Variants in MSRA observed in about 807,000 individuals in gnomAD.
MSRA encodes the protein mitochondrial peptide methionine sulfoxide reductase.
In MSRA, 54 loss-of-function variants were observed where a neutral mutation model predicts 31.3. The ratio of observed to expected loss-of-function variants is 1.73; its 90% confidence interval spans 1.39 to 2.17. MSRA has a LOEUF of 2.17. MSRA is among the 30% of genes most tolerant of loss of function. MSRA has a pLI of 0.00. For missense variants in MSRA, 507 were observed against 300.9 expected, an observed-to-expected ratio of 1.69 and a Z score of -5.07; for synonymous variants, 169 against 116.5, an observed-to-expected ratio of 1.45 and a Z score of -2.90.
chr8:10,155,587 G>A (rs2080345676), intron 1 of MSRA, among the ~76,000 whole-genome samples: 1 of 152,178 alleles, frequency 6.6e-6, no homozygotes, highest in Non-Finnish European at 1.5e-5. Flanking sequence ...AAGAAACCAT[G>A]AGAGAAATGG....
At position 10,397,049 on chromosome 8, in the gene MSRA, C is replaced by T. The variant is rs560493004; in HGVS notation, c.544-31099C>T. The stretch of plus-strand genomic sequence containing the variant: ...TTCTCCATCTCTAGACAGCTTAGAG[C>T]AGAGACTGTGTCCTGCTCATCCTTG... On this transcript the variant is annotated intron_variant, in intron 5 of 5. Transcript: ENST00000317173. Among the ~76,000 whole-genome samples, 4 of 152,224 alleles carry T rather than the reference C, an allele frequency of 2.6e-5. No individual in the cohort carries two copies. In the East Asian group the frequency reaches 7.7e-4, roughly 29 times the overall value.
intron 5 of MSRA, among the ~76,000 whole-genome samples, chr8:10,386,070 A>C (rs373633276): frequency 6.6e-6 from 1 of 152,082 alleles, no homozygotes; most frequent in East Asian, 1.9e-4. Context: ...TACCCCTTAA[A>C]ATTTCTGAAC....
In MSRA at chr8:10,181,847, G is replaced by A. The variant is rs117839242; in HGVS notation, c.143-25986G>A. Among the ~76,000 whole-genome samples the A allele has an allele frequency of 9.5e-3, 1,451 of 152,280 alleles. 14 individuals carry two copies. Among genetic ancestry groups the A allele is most frequent in the Middle Eastern group, 0.048 (14 of 294 alleles). ...TCTGGAGACCTCACTTCTACCCTTG[G>A]GTCATGTACCTGCATGGGAAAAGCC... On this transcript the variant is annotated intron_variant, in intron 1 of 5. Transcript: ENST00000317173.
intron 2 of MSRA, among the ~76,000 whole-genome samples, chr8:10,231,510 G>T (rs2952253): frequency 6.6e-6 from 1 of 152,206 alleles, no homozygotes; most frequent in African/African-American, 2.4e-5. Flanking sequence ...TCTTTTTTAA[G>T]CTTTCTCAGG....
intron 1 of MSRA, among the ~76,000 whole-genome samples, chr8:10,086,702 T>C (rs1015112576): frequency 6.6e-6 from 1 of 150,972 alleles, no homozygotes; most frequent in African/African-American, 2.5e-5. Context: ...TTATGTCCAT[T>C]GTGGCTTCTA....
intron 3 of MSRA, among the ~76,000 whole-genome samples, chr8:10,284,293 A>G (rs959322850): frequency 3.9e-5 from 6 of 152,006 alleles, no homozygotes; most frequent in Non-Finnish European, 2.9e-5. Context: ...GGTTCAAGCA[A>G]TTCTCCTGCC....
chr8:10,260,446 C>G (rs17151505), intron 3 of MSRA, among the ~76,000 whole-genome samples: 4 of 152,118 alleles, frequency 2.6e-5, no homozygotes, highest in South Asian at 2.1e-4. Context: ...GAATACCCCA[C>G]GACTCTAGCG....
rs148109536 is a variant in MSRA at position 10,222,632 on chromosome 8, A to T, written c.211+14731A>T. ...ATGGATTAAAACCTGCGGTATATAT[A>T]CACAATGGAATACGATTCAGTCTTA... On this transcript the variant is annotated intron_variant, in intron 2 of 5. Transcript: ENST00000317173. Among the ~76,000 whole-genome samples the T allele has an allele frequency of 6.7e-3, 1,014 of 152,324 alleles. 20 individuals are homozygous for T. Among genetic ancestry groups the T allele is most frequent in the African/African-American group, 0.023 (951 of 41,552 alleles).
At chr8:10,225,748 A>G (rs1438978228) in intron 2 of MSRA, among the ~76,000 whole-genome samples, 2 of 152,130 alleles carry the variant, frequency 1.3e-5, no homozygotes, top group Non-Finnish European at 2.9e-5. Context: ...TACTCGTTGG[A>G]TGAGTGACAC....
intron 1 of MSRA, among the ~76,000 whole-genome samples, chr8:10,066,958 G>T: frequency 6.6e-6 from 1 of 151,458 alleles, no homozygotes; most frequent in Non-Finnish European, 1.5e-5. Context: ...TCCTCCCTGA[G>T]TTTCCCCTGT....
At chr8:10,088,349 A>G (rs572493067) in intron 1 of MSRA, among the ~76,000 whole-genome samples, 5 of 152,324 alleles carry the variant, frequency 3.3e-5, no homozygotes, top group African/African-American at 1.2e-4. Flanking sequence ...GCTAAAGGAG[A>G]TGAAATCATT....
intron 5 of MSRA, among the ~76,000 whole-genome samples, chr8:10,374,378 A>G (rs920901555): frequency 1.3e-5 from 2 of 152,034 alleles, no homozygotes; most frequent in African/African-American, 4.8e-5. Context: ...TGTACGGGAG[A>G]GGTGATAAGA....
chr8:10,088,623 C>A (rs1034538015), intron 1 of MSRA, among the ~76,000 whole-genome samples: 4 of 152,094 alleles, frequency 2.6e-5, no homozygotes, highest in African/African-American at 9.7e-5. Context: ...GCAGTCCCAG[C>A]TACTCTGGAG....
At chr8:10,082,394 C>T (rs936311719) in intron 1 of MSRA, among the ~76,000 whole-genome samples, 2 of 152,250 alleles carry the variant, frequency 1.3e-5, no homozygotes, top group Non-Finnish European at 1.5e-5. Flanking sequence ...AGCCTCATTT[C>T]ACAGCTTCTC....
At chr8:10,057,250 G>C (rs893847365) in intron 1 of MSRA, among the ~76,000 whole-genome samples, 26 of 152,288 alleles carry the variant, frequency 1.7e-4, no homozygotes, top group African/African-American at 6.3e-4. Flanking sequence ...AGTGCTGGCT[G>C]GCTGGTAGGG....
chr8:10,105,423 C>T (rs918280988), intron 1 of MSRA, among the ~76,000 whole-genome samples: 2 of 152,094 alleles, frequency 1.3e-5, no homozygotes, highest in Non-Finnish European at 2.9e-5. Context: ...TCTCATTTTC[C>T]ATGTAAACTT....
chr8:10,345,066 C>T (rs1277190268), intron 5 of MSRA, among the ~76,000 whole-genome samples: 1 of 152,054 alleles, frequency 6.6e-6, no homozygotes, highest in Non-Finnish European at 1.5e-5. Flanking sequence ...GGTCTTTCCC[C>T]CTCAAGGTTA....
chr8:10,054,755 G>T, intron 1 of MSRA, 97 bp downstream of exon 1: 2 of 1,293,196 alleles, frequency 1.5e-6, no homozygotes, highest in Non-Finnish European at 2.0e-6. Flanking sequence ...GAAGCCGTGG[G>T]CTGGCCTCGG....
intron 5 of MSRA, among the ~76,000 whole-genome samples, chr8:10,320,924 G>A (rs768078439): frequency 3.9e-5 from 6 of 152,130 alleles, no homozygotes; most frequent in African/African-American, 7.2e-5. Context: ...TCATGACCTC[G>A]TTTAACTTAA....
Sources: gnomAD v4.1 joint callset for allele counts (sites outside exome capture counted in the v4.1 genomes callset) on GRCh38, gnomAD v4.1.1 for gene constraint, MANE v1.5 for transcripts, NCBI Gene and HGNC (gene_info 2026-07-23, HGNC 2026-07-21) for gene names.